RBMS3: variants seen among roughly 807,000 people sequenced by gnomAD.
RBMS3 encodes the protein RNA binding motif single stranded interacting protein 3, also known as RNA-binding motif, single-stranded-interacting protein 3.
A neutral mutation model predicts 66.8 loss-of-function variants in RBMS3; 27 were observed. The ratio of observed to expected loss-of-function variants is 0.40; its 90% confidence interval spans 0.30 to 0.56. The LOEUF is 0.56. Among genes scored for constraint, RBMS3 ranks in the 20% least tolerant of loss-of-function variants. The pLI is 0.40. For missense variants in RBMS3, 513 were observed against 549.5 expected, an observed-to-expected ratio of 0.93 and a Z score of 0.66; for synonymous variants, 188 against 183.0, an observed-to-expected ratio of 1.03 and a Z score of -0.22.
intron 1 of RBMS3, among the ~76,000 whole-genome samples, chr3:29,374,631 G>A (rs1463953776): frequency 6.6e-6 from 1 of 152,194 alleles, no homozygotes; most frequent in Non-Finnish European, 1.5e-5. Context: ...GCATGTTTAA[G>A]TTAGGCTAGG....
intron 4 of RBMS3, among the ~76,000 whole-genome samples, chr3:29,714,561 T>C (rs1213420967): frequency 6.6e-6 from 1 of 152,128 alleles, no homozygotes; most frequent in Admixed American, 6.6e-5. Context: ...TAACATAACC[T>C]TGTAGGGATC....
intron 1 of RBMS3, among the ~76,000 whole-genome samples, chr3:29,379,530 G>T (rs989682959): frequency 1.3e-5 from 2 of 152,114 alleles, no homozygotes; most frequent in Non-Finnish European, 2.9e-5. Context: ...TGAAAGGCAC[G>T]TCTCACATGG....
intron 6 of RBMS3, among the ~76,000 whole-genome samples, chr3:29,769,299 G>C (rs1046798202): frequency 4.3e-4 from 66 of 152,020 alleles, no homozygotes; most frequent in African/African-American, 1.5e-3. Flanking sequence ...ATTTAGGGCA[G>C]CCATAAAGCC....
intron 4 of RBMS3, among the ~76,000 whole-genome samples, chr3:29,709,888 T>G (rs1371916351): frequency 6.6e-6 from 1 of 152,216 alleles, no homozygotes. Context: ...GTCTTTTTGA[T>G]ATTTTATCAG....
chr3:29,877,680 G>A (rs1278793339), intron 7 of RBMS3, among the ~76,000 whole-genome samples: 2 of 152,146 alleles, frequency 1.3e-5, no homozygotes, highest in Non-Finnish European at 2.9e-5. Context: ...GATAACTACT[G>A]TACAGGGTTG....
At chr3:29,468,948 A>T (rs1203392765) in intron 2 of RBMS3, among the ~76,000 whole-genome samples, 1 of 152,114 alleles carries the variant, frequency 6.6e-6, no homozygotes, top group African/African-American at 2.4e-5. Context: ...CACACACACA[A>T]ACTCAAGATG....
intron 4 of RBMS3, among the ~76,000 whole-genome samples, chr3:29,682,199 G>A (rs753301537): frequency 1.3e-5 from 2 of 152,310 alleles, no homozygotes; most frequent in Admixed American, 6.5e-5. Flanking sequence ...AGGCTGGAGC[G>A]CAATGGTGCC....
At chr3:29,751,407 T>C (rs1024826145) in intron 5 of RBMS3, among the ~76,000 whole-genome samples, 1 of 152,226 alleles carries the variant, frequency 6.6e-6, no homozygotes, top group Non-Finnish European at 1.5e-5. Context: ...GAAAACCCTG[T>C]GGCAACATAG....
chr3:29,771,078 A>C (rs915266410), intron 6 of RBMS3, among the ~76,000 whole-genome samples: 1 of 152,004 alleles, frequency 6.6e-6, no homozygotes, highest in Non-Finnish European at 1.5e-5. Context: ...ATTTTAAGAG[A>C]AATGTGAATG....
At position 29,422,695 on chromosome 3, in the gene RBMS3, G is replaced by A. The variant is rs897113922; in HGVS notation, c.76-12048G>A. Among the ~76,000 whole-genome samples, 16 of 151,954 alleles carry A rather than the reference G, an allele frequency of 1.1e-4. No individual in the cohort carries two copies. The East Asian group carries it at 2.9e-3, about 27-fold the overall frequency. ...ACTTGAACATTAATTTATTCTCATA[G>A]TTACCACCTCACAGCCCCAAACATA... On this transcript the variant is annotated intron_variant, in intron 1 of 14. Transcript: ENST00000383767.
chr3:29,833,384 A>G (rs1378286394), intron 6 of RBMS3, among the ~76,000 whole-genome samples: 1 of 152,194 alleles, frequency 6.6e-6, no homozygotes, highest in African/African-American at 2.4e-5. Context: ...TAAGGGAACA[A>G]TTCATTAAGT....
chr3:29,938,807 G>T (rs1461871542), intron 11 of RBMS3, among the ~76,000 whole-genome samples: 2 of 151,926 alleles, frequency 1.3e-5, no homozygotes, highest in Admixed American at 6.6e-5. Flanking sequence ...ACCTGACTTT[G>T]TTCCCTTATT....
At chr3:29,689,392 G>A (rs970716227) in intron 4 of RBMS3, among the ~76,000 whole-genome samples, 1 of 151,852 alleles carries the variant, frequency 6.6e-6, no homozygotes, top group Non-Finnish European at 1.5e-5. Context: ...GTACATAAAT[G>A]TACTTATGAA....
chr3:29,409,363 G>A (rs777244236), intron 1 of RBMS3, among the ~76,000 whole-genome samples: 49 of 151,970 alleles, frequency 3.2e-4, no homozygotes, highest in Non-Finnish European at 6.3e-4. Context: ...TCATTCTCCA[G>A]AGTCTCTCCA....
chr3:29,556,329 C>T (rs117458287), intron 3 of RBMS3: 7,568 of 152,392 alleles, frequency 0.05, 236 homozygotes, highest in South Asian at 0.1. Flanking sequence ...GTAAGCCGGG[C>T]GCGGTGGCTC....
rs1272376168 is a variant in RBMS3 at position 30,006,521 on chromosome 3, T to C, written c.*2659T>C. 6.6e-6 allele frequency: 1 copy of C among 151,964 alleles called. No individual in the cohort carries two copies. Among genetic ancestry groups the C allele is most frequent in the East Asian group, 1.9e-4 (1 of 5,186 alleles). 9.4% of individuals were successfully genotyped at this position (151,964 alleles called of 1,614,324 possible). A position where few individuals can be genotyped will look rare whatever the true frequency, so the allele number is the denominator to read the frequency against. ...TTTATACTGTCTTTTGTTCCATCCT[T>C]CAGCTTCCCATGCATTATAAAGGTG... is the stretch of plus-strand genomic sequence containing the variant. On this transcript the variant is annotated 3_prime_UTR_variant, in exon 15 of 15. Coordinates refer to ENST00000383767, the MANE Select transcript of RBMS3 (RefSeq NM_001003793.3).
intron 1 of RBMS3, among the ~76,000 whole-genome samples, chr3:29,428,076 C>T (rs563243283): frequency 3.9e-5 from 6 of 152,066 alleles, no homozygotes; most frequent in Non-Finnish European, 7.4e-5. Flanking sequence ...CGAAGTTGAA[C>T]TTTGGTTTGG....
chr3:29,284,737 G>T (rs2032130561), intron 1 of RBMS3, among the ~76,000 whole-genome samples: 1 of 151,798 alleles, frequency 6.6e-6, no homozygotes, highest in Non-Finnish European at 1.5e-5. Context: ...TGTAAGTTAA[G>T]ATGAAAACCC....
chr3:29,737,642 G>T (rs548170447), intron 4 of RBMS3, among the ~76,000 whole-genome samples: 1 of 152,198 alleles, frequency 6.6e-6, no homozygotes. Context: ...AACCTTGGAA[G>T]TTATACGTAG....
Sources: gnomAD v4.1 joint callset for allele counts (sites outside exome capture counted in the v4.1 genomes callset) on GRCh38, gnomAD v4.1.1 for gene constraint, MANE v1.5 for transcripts, NCBI Gene and HGNC (gene_info 2026-07-23, HGNC 2026-07-21) for gene names.